DCBLD1: variants seen among roughly 807,000 people sequenced by gnomAD.
The protein encoded by DCBLD1 is discoidin, CUB and LCCL domain-containing protein 1.
A neutral mutation model predicts 71.5 loss-of-function variants in DCBLD1; 57 were observed. That is an observed-to-expected ratio of 0.80 (90% CI 0.64 to 0.99). The LOEUF is 0.99. Among genes scored for constraint, DCBLD1 ranks in the 50% least tolerant of loss-of-function variants. The pLI is 0.00. For missense variants in DCBLD1, 891 were observed against 923.5 expected, an observed-to-expected ratio of 0.96 and a Z score of 0.46; for synonymous variants, 380 against 363.8, an observed-to-expected ratio of 1.04 and a Z score of -0.51.
At chr6:117,537,155 A>T (rs1778908375) in intron 6 of DCBLD1, 30 bp from the exon 7 acceptor site, 1 of 1,613,404 alleles carries the variant, frequency 6.2e-7, no homozygotes, top group African/African-American at 1.3e-5. Flanking sequence ...TGAGCAACTT[A>T]CCTTCTCATG....
Position 117,548,460 on chromosome 6 carries a change from G to A in DCBLD1, c.*21G>A. 1.3e-6 allele frequency: 2 copies of A among 1,550,076 alleles called. No individual in the cohort carries two copies. Among genetic ancestry groups the A allele is most frequent in the Non-Finnish European group, 1.7e-6 (2 of 1,146,978 alleles). On this transcript the variant is annotated 3_prime_UTR_variant, in exon 15 of 15. Transcript: ENST00000338728. The stretch of plus-strand genomic sequence containing the variant: ...TGTGAACACAATGTGAAAGAAGCCT[G>A]CTGTGGTACTGAGCGTCGGGCTGTC...
intron 2 of DCBLD1, among the ~76,000 whole-genome samples, chr6:117,505,258 G>A (rs944906546): frequency 2.0e-5 from 3 of 152,056 alleles, no homozygotes; most frequent in African/African-American, 7.2e-5. Flanking sequence ...AAGGCCCCTG[G>A]GAACATTTAT....
chr6:117,525,949 C>T (rs1257067604), intron 5 of DCBLD1, among the ~76,000 whole-genome samples: 1 of 152,110 alleles, frequency 6.6e-6, no homozygotes, highest in African/African-American at 2.4e-5. Context: ...ACATAATCCT[C>T]CACTTGTTTC....
At chr6:117,511,459 C>T (rs913350377) in intron 2 of DCBLD1, among the ~76,000 whole-genome samples, 1 of 152,192 alleles carries the variant, frequency 6.6e-6, no homozygotes, top group Non-Finnish European at 1.5e-5. Flanking sequence ...CCTACGTTTT[C>T]TGTACCTCCA....
At chr6:117,497,000 C>G (rs1777494397) in intron 1 of DCBLD1, among the ~76,000 whole-genome samples, 1 of 152,138 alleles carries the variant, frequency 6.6e-6, no homozygotes, top group African/African-American at 2.4e-5. Context: ...AGGTTTCTGT[C>G]TTACTCTAAG....
At chr6:117,558,650 A>T (rs558341306) in intron 14 of DCBLD1, among the ~76,000 whole-genome samples, 7 of 152,320 alleles carry the variant, frequency 4.6e-5, no homozygotes, top group African/African-American at 1.7e-4. Flanking sequence ...ACAAGCTCCA[A>T]GATTCATTTC....
intron 12 of DCBLD1, among the ~76,000 whole-genome samples, chr6:117,543,807 A>G (rs1180305022): frequency 6.6e-6 from 1 of 152,242 alleles, no homozygotes; most frequent in Non-Finnish European, 1.5e-5. Flanking sequence ...AATATTAAAT[A>G]GGCTGCTTGG....
At chr6:117,500,321 A>G (rs1420551517) in intron 1 of DCBLD1, among the ~76,000 whole-genome samples, 1 of 152,222 alleles carries the variant, frequency 6.6e-6, no homozygotes, top group East Asian at 1.9e-4. Flanking sequence ...GCTTTTTAAT[A>G]AATTAGGACT....
intron 6 of DCBLD1, among the ~76,000 whole-genome samples, chr6:117,534,236 A>G (rs1365782260): frequency 6.6e-6 from 1 of 151,258 alleles, no homozygotes; most frequent in Non-Finnish European, 1.5e-5. Flanking sequence ...TCTTCACTCA[A>G]TAAAATTATA....
At chr6:117,520,860 A>C (rs1410660783) in intron 3 of DCBLD1, among the ~76,000 whole-genome samples, 1 of 152,246 alleles carries the variant, frequency 6.6e-6, no homozygotes, top group Non-Finnish European at 1.5e-5. Context: ...AGATGCCTGC[A>C]TTGCCAGTGT....
chr6:117,531,761 T>C (rs1209137128), intron 5 of DCBLD1, among the ~76,000 whole-genome samples: 3 of 152,264 alleles, frequency 2.0e-5, no homozygotes, highest in Non-Finnish European at 4.4e-5. Flanking sequence ...ACATGTGGAA[T>C]TGAAAGTTCA....
intron 14 of DCBLD1, among the ~76,000 whole-genome samples, chr6:117,558,295 C>A (rs1779521736): frequency 6.6e-6 from 1 of 152,198 alleles, no homozygotes; most frequent in South Asian, 2.1e-4. Flanking sequence ...CCCCCTCCAT[C>A]CATTTCTGTA....
chr6:117,567,410 G>A (rs928991311), intron 14 of DCBLD1, among the ~76,000 whole-genome samples: 1 of 152,154 alleles, frequency 6.6e-6, no homozygotes, highest in African/African-American at 2.4e-5. Context: ...CATCTAAATA[G>A]TCAGATATTA....
intron 1 of DCBLD1, among the ~76,000 whole-genome samples, chr6:117,489,575 C>G (rs1777210685): frequency 6.6e-6 from 1 of 152,120 alleles, no homozygotes; most frequent in African/African-American, 2.4e-5. Context: ...TAGAGCTGTG[C>G]TTGAGCTTTT....
At chr6:117,563,323 T>A (rs1286676005) in intron 14 of DCBLD1, 1 of 1,613,470 alleles carries the variant, frequency 6.2e-7, no homozygotes, top group Non-Finnish European at 8.5e-7. Context: ...CTAGCGGAGT[T>A]TCACTTGCAG....
intron 14 of DCBLD1, among the ~76,000 whole-genome samples, chr6:117,565,748 T>C (rs1023807329): frequency 6.6e-6 from 1 of 152,210 alleles, no homozygotes; most frequent in Non-Finnish European, 1.5e-5. Context: ...ATATTATCAG[T>C]TGTCTTTCCT....
intron 11 of DCBLD1, among the ~76,000 whole-genome samples, chr6:117,542,013 C>T (rs1779112052): frequency 1.3e-5 from 2 of 152,168 alleles, no homozygotes. Context: ...AACACCGCTA[C>T]CGGGCACATT....
At chr6:117,537,636 TC>T (rs371206660) in intron 7 of DCBLD1, among the ~76,000 whole-genome samples, 6,576 of 134,182 alleles carry the variant, frequency 0.049, 389 homozygotes, top group Middle Eastern at 0.068. Flanking sequence ...TTTTTTTTTT[TC>T]CTTTTTTCTC....
intron 14 of DCBLD1, among the ~76,000 whole-genome samples, chr6:117,546,338 C>G (rs529543285): frequency 6.6e-6 from 1 of 152,250 alleles, no homozygotes; most frequent in Admixed American, 6.5e-5. Flanking sequence ...TAGCACTGCG[C>G]TCTGGCTTCT....
Sources: allele counts gnomAD v4.1 joint callset (sites outside exome capture counted in the v4.1 genomes callset), GRCh38; gene constraint gnomAD v4.1.1; transcripts MANE v1.5; gene names NCBI Gene and HGNC (gene_info 2026-07-23, HGNC 2026-07-21).